Variants in DENND10 observed in about 807,000 individuals in gnomAD.
DENND10 encodes DENN domain-containing protein 10.
Under a neutral mutation model 43.6 loss-of-function variants are expected in DENND10, and 24 were observed. The observed-to-expected ratio is 0.55, with a 90% CI of 0.40 to 0.77. The LOEUF (loss-of-function observed/expected upper bound fraction) is 0.77. DENND10 is among the 30% of genes least tolerant of loss of function. The pLI, the probability that DENND10 is intolerant of heterozygous loss-of-function variation, is 0.00. For synonymous variants in DENND10, 125 were observed against 157.6 expected (o/e 0.79, Z 1.55); for missense variants, 303 against 429.9 (o/e 0.70, Z 2.61).
intron 5 of DENND10, among the ~76,000 whole-genome samples, chr10:119,122,842 C>T (rs925058135): frequency 7.0e-6 from 1 of 142,236 alleles, no homozygotes; most frequent in African/African-American, 2.6e-5. Context: ...ACTCCCTTTC[C>T]ATGGCAGTCT....
chr10:119,113,555 G>A (rs907648684), intron 3 of DENND10, among the ~76,000 whole-genome samples: 6 of 151,264 alleles, frequency 4.0e-5, no homozygotes, highest in South Asian at 4.2e-4. Flanking sequence ...TCATGTTACC[G>A]TCAGGCTTTT....
At chr10:119,111,253 G>A (rs1844957232) in intron 2 of DENND10, among the ~76,000 whole-genome samples, 1 of 99,328 alleles carries the variant, frequency 1.0e-5, no homozygotes. Context: ...GGGCGACAGA[G>A]CAAATGTCCC....
chr10:119,127,809 T>C (rs1199585557), intron 6 of DENND10, among the ~76,000 whole-genome samples: 3 of 152,006 alleles, frequency 2.0e-5, no homozygotes, highest in Non-Finnish European at 4.4e-5. Context: ...TTTGTATTTT[T>C]AGTAGAGACA....
Position 119,108,181 on chromosome 10 carries a change from G to A in DENND10, c.252+17G>A. 3.2e-6 allele frequency: 5 copies of A among 1,572,492 alleles called. No individual in the cohort carries two copies. Among genetic ancestry groups the A allele is most frequent in the Non-Finnish European group, 4.4e-6 (5 of 1,148,380 alleles). On this transcript the variant is annotated intron_variant, in intron 2 of 8. Coordinates refer to ENST00000361432, the MANE Select transcript of DENND10 (RefSeq NM_207009.4). ...TTGAAAAAGGTATGATTGCGTGAAG[G>A]TAAAAAAAAAACCCCAAAATAGGCT...
At chr10:119,123,681 C>A in intron 6 of DENND10, 112 bp downstream of exon 6, 1 of 785,946 alleles carries the variant, frequency 1.3e-6, no homozygotes, top group Non-Finnish European at 2.1e-6. Flanking sequence ...ACGATCTTAG[C>A]TCACCGCAAC....
At chr10:119,123,350 C>T in intron 5 of DENND10, 119 bp from the exon 6 acceptor site, 1 of 690,594 alleles carries the variant, frequency 1.4e-6, no homozygotes, top group Admixed American at 2.5e-5. Flanking sequence ...TCACCTCTGT[C>T]CCTGATTAGC....
chr10:119,136,359 C>A, intron 8 of DENND10, 112 bp from the exon 9 acceptor site: 1 of 1,296,032 alleles, frequency 7.7e-7, no homozygotes, highest in Admixed American at 2.7e-5. Context: ...CCACGCCAAG[C>A]TCATTTTTCA....
intron 1 of DENND10, 73 bp downstream of exon 1, chr10:119,104,270 C>A: frequency 7.2e-7 from 1 of 1,388,392 alleles, no homozygotes; most frequent in African/African-American, 1.5e-5. Flanking sequence ...CCCGGGGCAG[C>A]CCGGGCTCCC....
chr10:119,124,550 A>G (rs1267544081), intron 6 of DENND10, among the ~76,000 whole-genome samples: 13 of 151,898 alleles, frequency 8.6e-5, no homozygotes, highest in Non-Finnish European at 1.8e-4. Flanking sequence ...CCAGAAAAAA[A>G]GATTTACCTT....
At chr10:119,120,000 C>T (rs1002877584) in intron 4 of DENND10, among the ~76,000 whole-genome samples, 14 of 152,088 alleles carry the variant, frequency 9.2e-5, no homozygotes, top group African/African-American at 3.4e-4. Flanking sequence ...GTAATCCCAA[C>T]ACTTTGGGAG....
At chr10:119,108,256 C>T (rs969160502) in intron 2 of DENND10, 92 bp downstream of exon 2, 13 of 866,978 alleles carry the variant, frequency 1.5e-5, no homozygotes, top group Admixed American at 1.3e-4. Flanking sequence ...AGGCTGAGGT[C>T]GGCAGATCAC....
chr10:119,112,178 A>G (rs894171113), intron 3 of DENND10, among the ~76,000 whole-genome samples: 3 of 152,154 alleles, frequency 2.0e-5, no homozygotes, highest in Admixed American at 1.3e-4. Flanking sequence ...GGTGTTTTGA[A>G]TCACTTCCTA....
In DENND10 at chr10:119,129,511, G is replaced by A. The variant is rs757752244; in HGVS notation, c.695-4G>A. ...CAGTAAGGTTGCTCATGTTTGTGAT[G>A]CAGGTTACGTCGCTGGATTTGTAGA... On this transcript the variant is annotated splice_region_variant and splice_polypyrimidine_tract_variant and intron_variant, in intron 6 of 8. Coordinates refer to ENST00000361432, the MANE Select transcript of DENND10 (RefSeq NM_207009.4). 9 of 1,605,716 alleles carry A rather than the reference G, an allele frequency of 5.6e-6. No homozygotes were observed. The highest frequency in any genetic ancestry group is 2.2e-5 in the South Asian group (2 of 90,896).
intron 1 of DENND10, chr10:119,105,554 G>C (rs976986098): frequency 3.3e-5 from 37 of 1,122,416 alleles, no homozygotes; most frequent in Non-Finnish European, 3.9e-5. Context: ...CAAAACCTAA[G>C]TAACTTAGTT....
At chr10:119,114,928 C>T (rs1000548083) in intron 3 of DENND10, among the ~76,000 whole-genome samples, 3 of 151,984 alleles carry the variant, frequency 2.0e-5, no homozygotes, top group Non-Finnish European at 4.4e-5. Flanking sequence ...CACCACCACA[C>T]CTGGCTAATT....
chr10:119,134,187 C>T (rs1846205763), intron 8 of DENND10: 1 of 151,424 alleles, frequency 6.6e-6, no homozygotes, highest in East Asian at 1.9e-4. Context: ...TTACAGGGGC[C>T]TGCCACCACA....
chr10:119,105,493 C>G, intron 1 of DENND10: 1 of 1,169,432 alleles, frequency 8.6e-7, no homozygotes, highest in Non-Finnish European at 1.1e-6. Context: ...ACATGTTGTC[C>G]AGGTGGATTA....
chr10:119,123,405 G>A, intron 5 of DENND10, 64 bp from the exon 6 acceptor site: 2 of 1,175,488 alleles, frequency 1.7e-6, no homozygotes, highest in Middle Eastern at 1.9e-4. Flanking sequence ...AGAGGAGAAG[G>A]GGGCAGGCTG....
intron 6 of DENND10, among the ~76,000 whole-genome samples, chr10:119,126,986 C>T (rs1162866352): frequency 6.6e-6 from 1 of 151,308 alleles, no homozygotes; most frequent in Non-Finnish European, 1.5e-5. Context: ...GCAACCTCCA[C>T]TTCCTGGGCT....
Sources: allele counts gnomAD v4.1 joint callset (sites outside exome capture counted in the v4.1 genomes callset), GRCh38; gene constraint gnomAD v4.1.1; transcripts MANE v1.5; gene names NCBI Gene and HGNC (gene_info 2026-07-23, HGNC 2026-07-21).